TPCN2: variants seen among roughly 807,000 people sequenced by gnomAD.
TPCN2 encodes two pore segment channel 2.
A neutral mutation model predicts 111.4 loss-of-function variants in TPCN2; 92 were observed. The ratio of observed to expected loss-of-function variants is 0.83; its 90% CI spans 0.70 to 0.98. The LOEUF is 0.98. TPCN2 is among the 50% of genes least tolerant of loss of function. The pLI is 0.00. For synonymous variants in TPCN2, 405 were observed against 414.5 expected (o/e 0.98, Z 0.28); for missense variants, 995 against 980.1 (o/e 1.02, Z -0.20).
Position 69,089,269 on chromosome 11 carries a change from T to C in TPCN2, c.*1316T>C, listed in dbSNP as rs1214113343. The C allele has an allele frequency of 1.4e-5, 2 of 147,014 alleles. No homozygotes were observed. Among genetic ancestry groups the C allele is most frequent in the African/African-American group, 5.0e-5 (2 of 39,974 alleles). The allele number at this position is 147,014 out of a possible 1,614,324, so 9.1% of individuals were successfully genotyped here. A position where few individuals can be genotyped will look rare whatever the true frequency, so the allele number is the denominator to read the frequency against. On this transcript the variant is annotated 3_prime_UTR_variant, in exon 25 of 25. Coordinates refer to ENST00000294309, the MANE Select transcript of TPCN2 (RefSeq NM_139075.4). The stretch of plus-strand genomic sequence containing the variant: ...ATAACAATAACAATAACAATAACAA[T>C]ATGGAAACCACCGCAAACTTGGAGA...
At position 69,055,249 on chromosome 11, in the gene TPCN2, C is replaced by T. The variant is rs372815048; in HGVS notation, c.326C>T (p.Ala109Val). 3.1e-5 allele frequency: 50 copies of T among 1,614,098 alleles called. No homozygotes were observed. The highest frequency in any genetic ancestry group is 1.2e-4 in the Admixed American group (7 of 60,008). The change falls in exon 4 of 25, where the codon GCG becomes GTG. Residue 109 changes from alanine to valine, a missense_variant. Coordinates refer to ENST00000294309, the MANE Select transcript of TPCN2 (RefSeq NM_139075.4). ...IETPSSLTST[A>V]DVRYRAAPWE... ...ACCCCATCCTCACTCACCAGCACGG[C>T]GGACGTGCGCTACCGCGCTGCTCCC...
intron 1 of TPCN2, among the ~76,000 whole-genome samples, chr11:69,050,850 C>G (rs898601008): frequency 3.9e-5 from 6 of 152,334 alleles, no homozygotes; most frequent in African/African-American, 4.8e-5. Flanking sequence ...CAGGTCCTCC[C>G]TGGCAGGTGA....
chr11:69,085,940 C>T lies in TPCN2; in HGVS notation c.2003+10C>T, dbSNP rs375793527. On this transcript the variant is annotated intron_variant, in intron 22 of 24. Transcript: ENST00000294309. Reference sequence around the variant, plus strand: ...GGCGCTACTCAGGCCCGTGAGTCCTCGTCTCCCTGACGGCAGTGATTCTCC... The same window carrying T: ...GGCGCTACTCAGGCCCGTGAGTCCTTGTCTCCCTGACGGCAGTGATTCTCC... 3.1e-4 allele frequency: 492 copies of T among 1,612,086 alleles called. No homozygotes were observed. Among genetic ancestry groups the T allele is most frequent in the Non-Finnish European group, 3.8e-4 (453 of 1,178,640 alleles).
At chr11:69,060,042 G>A (rs1854951144) in intron 5 of TPCN2, among the ~76,000 whole-genome samples, 1 of 152,240 alleles carries the variant, frequency 6.6e-6, no homozygotes, top group South Asian at 2.1e-4. Flanking sequence ...GCCCATGGTG[G>A]GCGTTCACAT....
intron 2 of TPCN2, chr11:69,054,485 C>T: frequency 1.7e-6 from 1 of 577,704 alleles, no homozygotes; most frequent in East Asian, 2.9e-5. Flanking sequence ...TGAGTGTTTG[C>T]TCACGCACCC....
At position 69,088,055 on chromosome 11, in the gene TPCN2, A is replaced by C. The variant is rs1856352428; in HGVS notation, c.*102A>C. 9.8e-7 allele frequency: 1 copy of C among 1,022,742 alleles called. No homozygotes were observed. The highest frequency in any genetic ancestry group is 1.6e-5 in the African/African-American group (1 of 62,080). 63.4% of individuals were successfully genotyped at this position (1,022,742 alleles called of 1,614,324 possible). A position where few individuals can be genotyped will look rare whatever the true frequency, so the allele number is the denominator to read the frequency against. On this transcript the variant is annotated 3_prime_UTR_variant, in exon 25 of 25. Coordinates refer to ENST00000294309, the MANE Select transcript of TPCN2 (RefSeq NM_139075.4). ...GCCATGCTGTGGCCAGCCAGGCAGG[A>C]AGAGACCTTTCCTCTGACGGACCAC... is the stretch of plus-strand genomic sequence containing the variant.
chr11:69,070,606 C>A lies in TPCN2; in HGVS notation c.895+111C>A, dbSNP rs1234358625. On this transcript the variant is annotated intron_variant, in intron 9 of 24. Transcript: ENST00000294309. ...AACTTCACATCCGTGTTTTTCACTCCAGAGATCACCCCAGGGATCCCCTGC... is the reference window on the plus strand; with the variant it reads ...AACTTCACATCCGTGTTTTTCACTCAAGAGATCACCCCAGGGATCCCCTGC... 8 of 803,760 alleles carry A rather than the reference C, an allele frequency of 1.0e-5. No individual in the cohort carries two copies. In the East Asian group the frequency reaches 2.1e-4, roughly 21 times the overall value. 49.8% of individuals were successfully genotyped at this position (803,760 alleles called of 1,614,324 possible).
intron 4 of TPCN2, among the ~76,000 whole-genome samples, chr11:69,056,477 A>G (rs1854772851): frequency 6.6e-6 from 1 of 152,200 alleles, no homozygotes; most frequent in African/African-American, 2.4e-5. Flanking sequence ...AGAAGTGTCA[A>G]AAGGTGAGAG....
chr11:69,070,166 A>G (rs1290822637), intron 8 of TPCN2, among the ~76,000 whole-genome samples: 9 of 152,052 alleles, frequency 5.9e-5, no homozygotes, highest in Non-Finnish European at 1.3e-4. Context: ...CTGGGTTTAC[A>G]GGCATGAGCC....
chr11:69,059,716 C>T (rs758028398), intron 5 of TPCN2, among the ~76,000 whole-genome samples: 1 of 152,242 alleles, frequency 6.6e-6, no homozygotes, highest in Non-Finnish European at 1.5e-5. Flanking sequence ...TTCCCAGGTC[C>T]TGGGATGGTG....
intron 2 of TPCN2, 28 bp from the exon 3 acceptor site, chr11:69,054,693 C>G: frequency 6.2e-7 from 1 of 1,611,724 alleles, no homozygotes. Context: ...GCACCCATGT[C>G]ATGCCTCATG....
intron 1 of TPCN2, among the ~76,000 whole-genome samples, chr11:69,052,422 T>G (rs1349243890): frequency 6.6e-6 from 1 of 152,154 alleles, no homozygotes; most frequent in East Asian, 1.9e-4. Context: ...ACAGTGTGGC[T>G]TCTGTTCATA....
intron 7 of TPCN2, among the ~76,000 whole-genome samples, chr11:69,065,769 G>T (rs995861761): frequency 2.0e-5 from 3 of 152,214 alleles, no homozygotes; most frequent in Admixed American, 6.5e-5. Flanking sequence ...GGTTGGTGTT[G>T]GGGTGTGTGG....
In TPCN2 at chr11:69,070,467, C is replaced by T. The variant is rs761789990; in HGVS notation, c.867C>T (p.Ala289=). The T allele has an allele frequency of 5.6e-6, 9 of 1,610,776 alleles. No individual in the cohort carries two copies. The highest frequency in any genetic ancestry group is 1.6e-4 in the Middle Eastern group (1 of 6,068). ...CGTATTCCAAGAACCGGGCCTATGCCATCTTCTTCATAGTCTTCACTGTGA... is the reference window on the plus strand; with the variant it reads ...CGTATTCCAAGAACCGGGCCTATGCTATCTTCTTCATAGTCTTCACTGTGA... The part of the protein sequence containing the change: ...IPAYSKNRAY[A]IFFIVFTVIG... The change falls in exon 9 of 25, where the codon GCC becomes GCT. Residue 289 remains alanine (A), a synonymous_variant. Transcript: ENST00000294309.
intron 6 of TPCN2, among the ~76,000 whole-genome samples, 155 bp downstream of exon 6, chr11:69,063,145 G>A (rs1855098404): frequency 6.6e-6 from 1 of 151,880 alleles, no homozygotes; most frequent in African/African-American, 2.4e-5. Context: ...CTGCTGGGGG[G>A]CTTTTGGGGT....
rs1487996673 is a variant in TPCN2, at chr11:69,048,985, C to G, written c.-13C>G. ...GAGCTTCTGAGGGTCGGGTCCAGCG[C>G]GTGGGCTGCTGGATGGCGGAACCCC... On this transcript the variant is annotated 5_prime_UTR_variant, in exon 1 of 25. Transcript: ENST00000294309. 6.5e-6 allele frequency: 8 copies of G among 1,232,354 alleles called. No homozygotes were observed. The highest frequency in any genetic ancestry group is 1.6e-5 in the African/African-American group (1 of 64,368). The allele number at this position is 1,232,354 out of a possible 1,614,324, so 76.3% of individuals were successfully genotyped here. A position where few individuals can be genotyped will look rare whatever the true frequency, so the allele number is the denominator to read the frequency against.
rs1026202486 is a variant in TPCN2, at chr11:69,049,196, G to C, written c.109+90G>C. On this transcript the variant is annotated intron_variant, in intron 1 of 24. Coordinates refer to ENST00000294309, the MANE Select transcript of TPCN2 (RefSeq NM_139075.4). ...CTGTCCCAGCACCCCGCTTTCTGCC[G>C]GGCGCGCCCCCACCAGGTTCGAGTC... The C allele has an allele frequency of 3.4e-6, 3 of 891,584 alleles. No homozygotes were observed. In the African/African-American group the frequency reaches 5.2e-5, roughly 15 times the overall value. 55.2% of individuals were successfully genotyped at this position (891,584 alleles called of 1,614,324 possible).
In TPCN2 at chr11:69,063,756, A is replaced by G. The variant is rs553901964; in HGVS notation, c.654-139A>G. On this transcript the variant is annotated intron_variant, in intron 6 of 24. Transcript: ENST00000294309. ...AGCATGAGGCAAGGCCCTCGGGGAGAGGGGGACCCAGCTGCTGCCTGGATC... is the reference window on the plus strand; with the variant it reads ...AGCATGAGGCAAGGCCCTCGGGGAGGGGGGGACCCAGCTGCTGCCTGGATC... 4 of 731,554 alleles carry G rather than the reference A, an allele frequency of 5.5e-6. No individual in the cohort carries two copies. The East Asian group carries it at 8.1e-5, about 15-fold the overall frequency. 45.3% of individuals were successfully genotyped at this position (731,554 alleles called of 1,614,324 possible).
intron 7 of TPCN2, 67 bp from the exon 8 acceptor site, chr11:69,067,436 G>A: frequency 1.4e-6 from 2 of 1,452,200 alleles, no homozygotes; most frequent in Non-Finnish European, 1.9e-6. Context: ...GTTGGGTCCG[G>A]GGCCTGGAGC....
Sources: gnomAD v4.1 joint callset for allele counts (sites outside exome capture counted in the v4.1 genomes callset) on GRCh38, gnomAD v4.1.1 for gene constraint, MANE v1.5 for transcripts, NCBI Gene and HGNC (gene_info 2026-07-23, HGNC 2026-07-21) for gene names.